Variants in RARB observed in about 807,000 individuals in gnomAD.
RARB encodes the protein retinoic acid receptor beta.
Under a neutral mutation model 51.9 loss-of-function variants are expected in RARB, and 17 were observed. The observed-to-expected ratio is 0.33, with a 90% CI of 0.22 to 0.49. RARB has a LOEUF of 0.49. Ranked by LOEUF, RARB falls within the 20% of genes least tolerant of loss-of-function variation. The probability of loss-of-function intolerance (pLI) is 0.99; values close to 1 mark genes in which losing one functional copy is unlikely to be tolerated. For synonymous variants in RARB, 215 were observed against 195.4 expected (o/e 1.10, Z -0.84); for missense variants, 369 against 550.8 (o/e 0.67, Z 3.30).
chr3:25,173,593 A>G (rs934316457), intron 4 of RARB, among the ~76,000 whole-genome samples: 7 of 152,228 alleles, frequency 4.6e-5, no homozygotes, highest in African/African-American at 1.7e-4. Flanking sequence ...TTACTCATAT[A>G]AAAGAAGTAA....
At chr3:25,168,257 G>A (rs944852800) in intron 4 of RARB, among the ~76,000 whole-genome samples, 1 of 151,888 alleles carries the variant, frequency 6.6e-6, no homozygotes, top group Non-Finnish European at 1.5e-5. Flanking sequence ...GTGTTGCTCT[G>A]TTGCGCAGGC....
chr3:25,500,178 A>T (rs1345035516), intron 2 of RARB, among the ~76,000 whole-genome samples: 1 of 152,162 alleles, frequency 6.6e-6, no homozygotes, highest in Non-Finnish European at 1.5e-5. Context: ...TAGCTAATGT[A>T]ACTAAAGAAC....
At chr3:25,524,257 C>G (rs1698539416) in intron 3 of RARB, among the ~76,000 whole-genome samples, 1 of 152,152 alleles carries the variant, frequency 6.6e-6, no homozygotes, top group Admixed American at 6.5e-5. Flanking sequence ...GACGTACAAC[C>G]AAATAATAAT....
chr3:25,548,647 A>G (rs1355272135), intron 3 of RARB, among the ~76,000 whole-genome samples: 1 of 151,408 alleles, frequency 6.6e-6, no homozygotes, highest in Admixed American at 6.6e-5. Context: ...CCCGACAAAA[A>G]AAAAAAAAAA....
intron 5 of RARB, among the ~76,000 whole-genome samples, chr3:25,254,737 G>T (rs576233048): frequency 1.3e-5 from 2 of 152,068 alleles, no homozygotes; most frequent in Non-Finnish European, 2.9e-5. Context: ...AAAAAACTGG[G>T]TCCAAAGGGG....
intron 3 of RARB, among the ~76,000 whole-genome samples, chr3:25,102,507 T>C (rs1411614988): frequency 6.6e-6 from 1 of 151,866 alleles, no homozygotes; most frequent in Non-Finnish European, 1.5e-5. Flanking sequence ...GCCATTGCAC[T>C]CCAGCCTGGA....
intron 5 of RARB, among the ~76,000 whole-genome samples, chr3:25,320,655 A>C (rs1367859818): frequency 2.0e-5 from 3 of 152,226 alleles, no homozygotes; most frequent in Non-Finnish European, 4.4e-5. Context: ...TGATATTTAG[A>C]ATCCAAACTT....
intron 5 of RARB, among the ~76,000 whole-genome samples, chr3:25,188,342 A>G (rs1701023400): frequency 6.6e-6 from 1 of 152,112 alleles, no homozygotes; most frequent in Non-Finnish European, 1.5e-5. Context: ...TTTAATAATT[A>G]TTTATGGAAC....
intron 1 of RARB, among the ~76,000 whole-genome samples, chr3:25,442,116 TTTTATTTATTTA>T (rs148774111): frequency 1.7e-4 from 25 of 147,830 alleles, no homozygotes; most frequent in Non-Finnish European, 3.0e-4. Context: ...TTTATTTTAT[TTTTATTTATTTA>T]TTTATTTATT....
At chr3:25,504,917 C>T (rs1697508904) in intron 3 of RARB, among the ~76,000 whole-genome samples, 1 of 151,838 alleles carries the variant, frequency 6.6e-6, no homozygotes, top group African/African-American at 2.4e-5. Context: ...GCCACCACGC[C>T]CGGCTAATTT....
At chr3:25,116,949 T>G (rs895102861) in intron 3 of RARB, among the ~76,000 whole-genome samples, 1 of 152,200 alleles carries the variant, frequency 6.6e-6, no homozygotes, top group African/African-American at 2.4e-5. Flanking sequence ...TAAGCAAATA[T>G]AATTTTTTAA....
At chr3:25,152,274 T>A (rs1700299911) in intron 4 of RARB, among the ~76,000 whole-genome samples, 1 of 152,214 alleles carries the variant, frequency 6.6e-6, no homozygotes, top group South Asian at 2.1e-4. Flanking sequence ...ACTTGTCTTT[T>A]TATTTTAGGA....
At chr3:25,479,020 C>A (rs1696099111) in intron 2 of RARB, among the ~76,000 whole-genome samples, 1 of 152,120 alleles carries the variant, frequency 6.6e-6, no homozygotes, top group African/African-American at 2.4e-5. Flanking sequence ...TCTCTTTGGC[C>A]TCCATTTGGA....
At chr3:25,488,438 A>C (rs950051014) in intron 2 of RARB, among the ~76,000 whole-genome samples, 1 of 152,188 alleles carries the variant, frequency 6.6e-6, no homozygotes, top group African/African-American at 2.4e-5. Context: ...CTCCTAAGTT[A>C]TCTCTTTTGT....
intron 2 of RARB, among the ~76,000 whole-genome samples, chr3:25,024,455 A>T (rs1205134606): frequency 6.6e-6 from 1 of 152,218 alleles, no homozygotes; most frequent in Non-Finnish European, 1.5e-5. Flanking sequence ...ATTTGAGAGT[A>T]ATTATAGAGA....
intron 1 of RARB, among the ~76,000 whole-genome samples, chr3:24,843,954 A>T (rs754118571): frequency 4.0e-5 from 6 of 151,034 alleles, no homozygotes; most frequent in Non-Finnish European, 7.4e-5. Context: ...CGGCACTTGT[A>T]CCTTGGTCAA....
rs182638232 is a variant in RARB at position 25,329,423 on chromosome 3, C to A, written c.179-131770C>A. On this transcript the variant is annotated intron_variant, in intron 5 of 11. Transcript: ENST00000383772. ...TCTGGAATGGACCTCCAGCAAACTCCAACAGACCTGCAGCTGAGGGTCCTG... is the reference window on the plus strand; with the variant it reads ...TCTGGAATGGACCTCCAGCAAACTCAAACAGACCTGCAGCTGAGGGTCCTG... Among the ~76,000 whole-genome samples the A allele has an allele frequency of 2.0e-4, 31 of 152,288 alleles. No individual in the cohort carries two copies. The East Asian group carries it at 3.3e-3, about 16-fold the overall frequency.
chr3:24,992,073 C>T (rs527953382), intron 2 of RARB, among the ~76,000 whole-genome samples: 1 of 152,156 alleles, frequency 6.6e-6, no homozygotes. Context: ...TCCAGCAGGG[C>T]TCTGACACCC....
At chr3:25,334,771 A>G (rs1435090881) in intron 5 of RARB, among the ~76,000 whole-genome samples, 1 of 152,176 alleles carries the variant, frequency 6.6e-6, no homozygotes, top group Non-Finnish European at 1.5e-5. Flanking sequence ...ATGAGAGTTC[A>G]TGTGTGTTGG....
Sources: gnomAD v4.1 joint callset for allele counts (sites outside exome capture counted in the v4.1 genomes callset) on GRCh38, gnomAD v4.1.1 for gene constraint, MANE v1.5 for transcripts, NCBI Gene and HGNC (gene_info 2026-07-23, HGNC 2026-07-21) for gene names.